The following CACNA1C variants were observed in gnomAD, a reference collection of about 807,000 sequenced individuals.
The protein encoded by CACNA1C is calcium voltage-gated channel subunit alpha1 C.
In CACNA1C, 30 loss-of-function variants were observed where a neutral mutation model predicts 229.0. The ratio of observed to expected loss-of-function variants is 0.13; its 90% CI spans 0.10 to 0.18. CACNA1C has a LOEUF of 0.18. CACNA1C is among the 10% of genes least tolerant of loss of function. The pLI, the probability that CACNA1C is intolerant of heterozygous loss-of-function variation, is 1.00. For synonymous variants in CACNA1C, 1,114 were observed against 1,132.5 expected, an observed-to-expected ratio of 0.98 and a Z score of 0.33; for missense variants, 1,658 against 2,845.0, an observed-to-expected ratio of 0.58 and a Z score of 9.49.
chr12:2,675,745 G>A (rs946847051), intron 39 of CACNA1C, among the ~76,000 whole-genome samples: 6 of 152,190 alleles, frequency 3.9e-5, no homozygotes, highest in African/African-American at 7.2e-5. Context: ...AGACTCCTAA[G>A]CAGAATCATG....
intron 3 of CACNA1C, among the ~76,000 whole-genome samples, chr12:2,350,999 G>C (rs1031009504): frequency 1.3e-5 from 2 of 152,270 alleles, no homozygotes; most frequent in Non-Finnish European, 2.9e-5. Context: ...AGCAGCTCCA[G>C]CCACTGGCCC....
At chr12:2,097,389 G>C (rs562946670) in intron 1 of CACNA1C, among the ~76,000 whole-genome samples, 1 of 151,844 alleles carries the variant, frequency 6.6e-6, no homozygotes, top group Non-Finnish European at 1.5e-5. Flanking sequence ...CTTGTGATCC[G>C]CCCGCCTCGA....
chr12:2,229,823 G>C (rs2064212882), intron 3 of CACNA1C, among the ~76,000 whole-genome samples: 1 of 152,182 alleles, frequency 6.6e-6, no homozygotes, highest in South Asian at 2.1e-4. Flanking sequence ...GCAGGTGAGG[G>C]GTCCCGAGGC....
intron 30 of CACNA1C, 100 bp from the exon 31 acceptor site, chr12:2,648,375 T>C (rs2094558927): frequency 8.1e-6 from 9 of 1,117,418 alleles, no homozygotes; most frequent in Non-Finnish European, 1.2e-5. Context: ...TTTTGCCCTC[T>C]TCTGCCACTG....
At position 2,606,521 on chromosome 12, in the gene CACNA1C, A is replaced by G. The variant is rs758560; in HGVS notation, c.3157-90A>G. 0.086 allele frequency: 89,358 copies of G among 1,038,546 alleles called. 4,411 individuals carry two copies. Among genetic ancestry groups the G allele is most frequent in the Middle Eastern group, 0.12 (611 of 4,990 alleles). The allele number at this position is 1,038,546 out of a possible 1,614,324, so 64.3% of individuals were successfully genotyped here. ...CTTTTTATCCCACTGTCCCTAGCAC[A>G]GTGCTGGGCTATGGAGATGCTCACT... On this transcript the variant is annotated intron_variant, in intron 24 of 46. Transcript: ENST00000399655.
At chr12:1,997,635 C>T (rs2041251213) in intron 1 of CACNA1C, among the ~76,000 whole-genome samples, 1 of 152,190 alleles carries the variant, frequency 6.6e-6, no homozygotes, top group Non-Finnish European at 1.5e-5. Context: ...TATTCAAGAA[C>T]TTTGTGCCAT....
chr12:2,170,134 A>T (rs2096415620), intron 3 of CACNA1C, among the ~76,000 whole-genome samples: 1 of 152,202 alleles, frequency 6.6e-6, no homozygotes, highest in Non-Finnish European at 1.5e-5. Flanking sequence ...CTCATGTCCA[A>T]CCATGGCCAA....
intron 3 of CACNA1C, among the ~76,000 whole-genome samples, chr12:2,417,247 G>T (rs1368503120): frequency 6.6e-6 from 1 of 152,218 alleles, no homozygotes; most frequent in Non-Finnish European, 1.5e-5. Flanking sequence ...GATGCGGGTT[G>T]TATCTGTGGC....
chr12:2,340,078 TGTCCTGG>T (rs1476466670), intron 3 of CACNA1C, among the ~76,000 whole-genome samples: 1 of 152,240 alleles, frequency 6.6e-6, no homozygotes, highest in Non-Finnish European at 1.5e-5. Context: ...CCTGTGAAGG[TGTCCTGG>T]TGTTCATAAT....
chr12:2,091,944 T>C (rs1257974265), intron 1 of CACNA1C, among the ~76,000 whole-genome samples: 1 of 152,204 alleles, frequency 6.6e-6, no homozygotes, highest in Non-Finnish European at 1.5e-5. Flanking sequence ...TCTGAGCTCC[T>C]GTGACCTCAC....
chr12:2,168,076 G>A (rs551788040), intron 3 of CACNA1C, among the ~76,000 whole-genome samples: 1 of 152,256 alleles, frequency 6.6e-6, no homozygotes, highest in Admixed American at 6.5e-5. Flanking sequence ...GGGAGTGTTT[G>A]TGTACATGTG....
intron 3 of CACNA1C, among the ~76,000 whole-genome samples, chr12:2,147,166 G>T (rs944447859): frequency 6.6e-6 from 1 of 151,360 alleles, no homozygotes; most frequent in Non-Finnish European, 1.5e-5. Flanking sequence ...CTGAGAGAGG[G>T]GGGGAACCTC....
intron 9 of CACNA1C, among the ~76,000 whole-genome samples, chr12:2,536,234 GAAC>G (rs1482608364): frequency 1.3e-5 from 2 of 152,198 alleles, no homozygotes; most frequent in Non-Finnish European, 2.9e-5. Flanking sequence ...GAGAAAATGA[GAAC>G]AAATCGTGAG....
At chr12:2,459,007 A>G (rs1369328567) in intron 5 of CACNA1C, among the ~76,000 whole-genome samples, 10 of 126,120 alleles carry the variant, frequency 7.9e-5, no homozygotes, top group Non-Finnish European at 1.4e-4. Flanking sequence ...TTTTTGAGAC[A>G]GAGTCACACT....
At chr12:2,026,393 GA>G (rs2047326353) in intron 1 of CACNA1C, among the ~76,000 whole-genome samples, 1 of 152,138 alleles carries the variant, frequency 6.6e-6, no homozygotes. Flanking sequence ...GATTTGGAGG[GA>G]AAAATTGATT....
chr12:2,523,490 T>G (rs530090629), intron 9 of CACNA1C, among the ~76,000 whole-genome samples: 60 of 152,258 alleles, frequency 3.9e-4, no homozygotes, highest in African/African-American at 1.4e-3. Context: ...AGGAATGTCA[T>G]GGAACCGCCT....
intron 5 of CACNA1C, among the ~76,000 whole-genome samples, chr12:2,468,890 T>G (rs144427365): frequency 1.1e-3 from 173 of 152,370 alleles, no homozygotes; most frequent in Non-Finnish European, 2.2e-3. Context: ...CCTAGAGTAT[T>G]AGCCTTTAGA....
intron 9 of CACNA1C, among the ~76,000 whole-genome samples, chr12:2,516,984 T>C (rs535389785): frequency 2.0e-5 from 3 of 152,194 alleles, no homozygotes; most frequent in East Asian, 1.9e-4. Flanking sequence ...TGTTTGGAGA[T>C]TGGGATACAG....
intron 1 of CACNA1C, among the ~76,000 whole-genome samples, chr12:2,102,617 G>T (rs1468000346): frequency 2.0e-5 from 3 of 152,138 alleles, no homozygotes; most frequent in African/African-American, 7.2e-5. Context: ...TAAATTCTGG[G>T]GTACATGTGC....
Sources: gnomAD v4.1 joint callset for allele counts (sites outside exome capture counted in the v4.1 genomes callset) on GRCh38, gnomAD v4.1.1 for gene constraint, MANE v1.5 for transcripts, NCBI Gene and HGNC (gene_info 2026-07-23, HGNC 2026-07-21) for gene names.